The following NFIL3 variants were observed in gnomAD, a reference collection of about 807,000 sequenced individuals.
The protein encoded by NFIL3 is nuclear factor, interleukin 3 regulated, also known as nuclear factor interleukin-3-regulated protein.
NFIL3 carries 5 observed loss-of-function variants against 10.0 expected under a neutral mutation model. The observed-to-expected ratio is 0.50, with a 90% CI of 0.26 to 1.06. The LOEUF is 1.06. Among genes scored for constraint, NFIL3 ranks in the 50% least tolerant of loss-of-function variants. The probability of loss-of-function intolerance (pLI) is 0.13; values close to 1 mark genes in which losing one functional copy is unlikely to be tolerated. For synonymous variants in NFIL3, 202 were observed against 206.5 expected (o/e 0.98, Z 0.19); for missense variants, 436 against 547.6 (o/e 0.80, Z 2.03).
the NFIL3 span, among the ~76,000 whole-genome samples, chr9:91,479,112 G>A: frequency 6.6e-6 from 1 of 152,220 alleles, no homozygotes; most frequent in African/African-American, 2.4e-5. Context: ...CCAGTTAGGA[G>A]GCACAGGGGT....
At chr9:91,421,332 G>A (rs1202575933) in intron 1 of NFIL3, among the ~76,000 whole-genome samples, 1 of 151,854 alleles carries the variant, frequency 6.6e-6, no homozygotes, top group African/African-American at 2.4e-5. Context: ...TAGCGCCCGG[G>A]CTCCACGGGC....
the NFIL3 span, among the ~76,000 whole-genome samples, chr9:91,434,608 C>T: frequency 1.3e-5 from 2 of 151,912 alleles, no homozygotes; most frequent in Admixed American, 6.6e-5. Context: ...ATAAAAGACA[C>T]CTTAAAATTA....
the NFIL3 span, among the ~76,000 whole-genome samples, chr9:91,463,840 A>G: frequency 1.3e-5 from 2 of 152,150 alleles, no homozygotes; most frequent in Admixed American, 6.6e-5. Flanking sequence ...TTGATGCTCT[A>G]TTGTTAGATA....
At chr9:91,456,964 A>G in the NFIL3 span, among the ~76,000 whole-genome samples, 1 of 152,026 alleles carries the variant, frequency 6.6e-6, no homozygotes, top group South Asian at 2.1e-4. Flanking sequence ...CAAGTGTCCC[A>G]GCACTGTTTG....
At chr9:91,468,842 G>T in the NFIL3 span, among the ~76,000 whole-genome samples, 1 of 152,122 alleles carries the variant, frequency 6.6e-6, no homozygotes, top group African/African-American at 2.4e-5. Flanking sequence ...AAGATCAGAT[G>T]GTTGTAGATG....
At chr9:91,412,098 C>CAAAAA (rs56891881) in intron 1 of NFIL3, among the ~76,000 whole-genome samples, 8 of 76,842 alleles carry the variant, frequency 1.0e-4, no homozygotes, top group South Asian at 5.0e-4. Context: ...AAGACTCTGT[C>CAAAAA]AAAAAAAAAA....
At chr9:91,468,233 C>T in the NFIL3 span, among the ~76,000 whole-genome samples, 1 of 152,240 alleles carries the variant, frequency 6.6e-6, no homozygotes, top group African/African-American at 2.4e-5. Context: ...GCCATTCTAA[C>T]TGGCGTGAGA....
upstream of NFIL3, among the ~76,000 whole-genome samples, chr9:91,427,836 G>A (rs774229): frequency 0.55 from 83,563 of 151,602 alleles, 23,974 homozygotes; most frequent in East Asian, 0.77. Context: ...GTTAGAGTCA[G>A]TGTCTCTCTA....
chr9:91,447,393 C>A, the NFIL3 span, among the ~76,000 whole-genome samples: 3 of 152,140 alleles, frequency 2.0e-5, no homozygotes, highest in East Asian at 1.9e-4. Context: ...TGTTTAGCTT[C>A]TTGAGGAACT....
In NFIL3 at chr9:91,409,827, A is replaced by G. The variant is rs1228831645; in HGVS notation, c.908T>C (p.Val303Ala). Residue 303 changes from valine (V) to alanine (A), a missense_variant, in exon 2 of 2, where the codon GTT becomes GCT. Transcript: ENST00000297689. ...AGTTGCATGCACATGCTTGAGTTCAACTGGAGAATGGATGGGGCCCTTGGG... is the reference window on the plus strand; with the variant it reads ...AGTTGCATGCACATGCTTGAGTTCAGCTGGAGAATGGATGGGGCCCTTGGG... Reference protein sequence around the residue: ...QVPKGPIHSPVELKHVHATVV... With the variant: ...QVPKGPIHSPAELKHVHATVV... 6.2e-7 allele frequency: 1 copy of G among 1,614,130 alleles called. No homozygotes were observed. The highest frequency in any genetic ancestry group is 1.3e-5 in the African/African-American group (1 of 75,028).
the NFIL3 span, among the ~76,000 whole-genome samples, chr9:91,482,432 G>GTGATGATGA: frequency 6.6e-6 from 1 of 150,544 alleles, no homozygotes; most frequent in Admixed American, 6.6e-5. Context: ...CCAGGGCTGG[G>GTGATGATGA]TGATGATGAT....
At chr9:91,467,361 T>G in the NFIL3 span, among the ~76,000 whole-genome samples, 1 of 152,108 alleles carries the variant, frequency 6.6e-6, no homozygotes. Flanking sequence ...ATAGAGCATT[T>G]CTTTTAGAGG....
At chr9:91,417,614 G>A (rs965915287) in intron 1 of NFIL3, among the ~76,000 whole-genome samples, 2 of 152,134 alleles carry the variant, frequency 1.3e-5, no homozygotes, top group Non-Finnish European at 2.9e-5. Context: ...CAGAGGAAAT[G>A]GGGAGTGAAA....
intron 1 of NFIL3, among the ~76,000 whole-genome samples, chr9:91,418,855 G>GTT (rs10608008): frequency 1.4e-5 from 2 of 147,296 alleles, no homozygotes; most frequent in Admixed American, 1.3e-4. Flanking sequence ...AGTTTTGGGT[G>GTT]TTTTTTTTTT....
chr9:91,470,213 G>A, the NFIL3 span, among the ~76,000 whole-genome samples: 1 of 151,882 alleles, frequency 6.6e-6, no homozygotes, highest in African/African-American at 2.4e-5. Context: ...TTCAGAGCCT[G>A]TTATTGGTCT....
the NFIL3 span, among the ~76,000 whole-genome samples, chr9:91,482,912 G>A: frequency 0.17 from 25,124 of 152,176 alleles, 2,201 homozygotes; most frequent in Middle Eastern, 0.21. Flanking sequence ...GTCATCACCC[G>A]AAAGGCGCAC....
chr9:91,468,254 T>C, the NFIL3 span, among the ~76,000 whole-genome samples: 19 of 152,368 alleles, frequency 1.2e-4, 1 homozygote, highest in East Asian at 3.5e-3. Flanking sequence ...TGGTATCTCA[T>C]TGTGGTTTTG....
At chr9:91,474,843 C>T in the NFIL3 span, among the ~76,000 whole-genome samples, 77 of 152,172 alleles carry the variant, frequency 5.1e-4, no homozygotes, top group Non-Finnish European at 5.6e-4. Context: ...GTGGCTGTTT[C>T]CCAATACAAC....
the NFIL3 span, among the ~76,000 whole-genome samples, chr9:91,455,935 C>T: frequency 1.3e-5 from 2 of 152,136 alleles, no homozygotes; most frequent in South Asian, 2.1e-4. Context: ...CTCATGCCTC[C>T]CCCTTACCCT....
Sources: allele counts gnomAD v4.1 joint callset (sites outside exome capture counted in the v4.1 genomes callset), GRCh38; gene constraint gnomAD v4.1.1; transcripts MANE v1.5; gene names NCBI Gene and HGNC (gene_info 2026-07-23, HGNC 2026-07-21).